GPIHBP1: variants seen among roughly 807,000 people sequenced by gnomAD.
The protein encoded by GPIHBP1 is glycosylphosphatidylinositol-anchored high density lipoprotein-binding protein 1.
Under a neutral mutation model 13.0 loss-of-function variants are expected in GPIHBP1, and 11 were observed. The observed-to-expected ratio is 0.84, with a 90% confidence interval of 0.53 to 1.40. The LOEUF is 1.40. Among genes scored for constraint, GPIHBP1 ranks in the 40% most tolerant of loss-of-function variants. The probability of loss-of-function intolerance (pLI) is 0.00; values close to 1 mark genes in which losing one functional copy is unlikely to be tolerated. For missense variants in GPIHBP1, 231 were observed against 241.1 expected, an observed-to-expected ratio of 0.96 and a Z score of 0.28; for synonymous variants, 106 against 102.2, an observed-to-expected ratio of 1.04 and a Z score of -0.22.
intron 3 of GPIHBP1, 60 bp downstream of exon 3, chr8:143,215,186 G>T: frequency 3.1e-6 from 5 of 1,610,866 alleles, no homozygotes; most frequent in Non-Finnish European, 4.2e-6. Context: ...CCAGGGGCCC[G>T]GAACAGAGCC....
rs1816306456 is a variant in GPIHBP1, at chr8:143,216,110, G to GGGGC, written c.*595_*596insCGGG. 6.2e-5 allele frequency: 9 copies of GGGGC among 145,208 alleles called. No homozygotes were observed. The highest frequency in any genetic ancestry group is 1.8e-4 in the African/African-American group (7 of 38,634). 9.0% of individuals were successfully genotyped at this position (145,208 alleles called of 1,614,324 possible). A position where few individuals can be genotyped will look rare whatever the true frequency, so the allele number is the denominator to read the frequency against. Reference sequence around the variant, plus strand: ...CCACATGCGGAGGGGCGGGGCGGGGGGGGGCTGGGGGGACAGGCACCAAGT... The same window carrying GGGGC: ...CCACATGCGGAGGGGCGGGGCGGGGGGGGCGGGGCTGGGGGGACAGGCACCAAGT... On this transcript the variant is annotated 3_prime_UTR_variant, in exon 4 of 4. Coordinates refer to ENST00000622500, the MANE Select transcript of GPIHBP1 (RefSeq NM_178172.6).
In GPIHBP1 at chr8:143,215,286, C is replaced by G. The variant is rs752728823; in HGVS notation, c.323C>G (p.Thr108Arg). 1 of 1,612,998 alleles carries G rather than the reference C, an allele frequency of 6.2e-7. No homozygotes were observed. The highest frequency in any genetic ancestry group is 2.2e-5 in the East Asian group (1 of 44,874). Reference protein sequence around the residue: ...TESGLLTTHSTWCTDSCQPIT... With the variant: ...TESGLLTTHSRWCTDSCQPIT... ...TCAGGCCTCCTGACCACCCACTCCA[C>G]GTGGTGCACAGACAGCTGCCAGCCC... The change falls in exon 4 of 4, where the codon ACG (threonine) becomes AGG (arginine). Residue 108 changes from threonine to arginine, a missense_variant. Physicochemically the swap from Thr to Arg is moderately conservative, Grantham distance 71 (BLOSUM62 -1). Coordinates refer to ENST00000622500, the MANE Select transcript of GPIHBP1 (RefSeq NM_178172.6).
rs767655645 is a variant in GPIHBP1 at position 143,215,501 on chromosome 8, G to A, written c.538G>A (p.Gly180Arg). ...LNLLAGLGAM[G>R]ARRP ...CCTCCTTGCCGGCCTTGGAGCAATG[G>A]GGGCCAGGAGACCCTGACCCACGGC... The change falls in exon 4 of 4, where the codon GGG (glycine) becomes AGG (arginine). Residue 180 changes from glycine (G) to arginine (R), a missense_variant. By Grantham distance (125) the Gly-to-Arg change is moderately radical. Transcript: ENST00000622500. The A allele has an allele frequency of 1.9e-6, 3 of 1,604,638 alleles. No individual in the cohort carries two copies.
rs1586695755 is a variant in GPIHBP1 at position 143,215,570 on chromosome 8, T to C, written c.*52T>C. On this transcript the variant is annotated 3_prime_UTR_variant, in exon 4 of 4. Transcript: ENST00000622500. Reference sequence around the variant, plus strand: ...GGCTCACCCCCGGCCCTGCCAGCACTCTGTCTGGTACCTTCCCCTCCTGCC... The same window carrying C: ...GGCTCACCCCCGGCCCTGCCAGCACCCTGTCTGGTACCTTCCCCTCCTGCC... The C allele has an allele frequency of 7.4e-7, 1 of 1,344,898 alleles. No homozygotes were observed. Among genetic ancestry groups the C allele is most frequent in the Non-Finnish European group, 9.9e-7 (1 of 1,013,294 alleles). The allele number at this position is 1,344,898 out of a possible 1,614,324, so 83.3% of individuals were successfully genotyped here.
rs987970176 is a variant in GPIHBP1 at position 143,214,944 on chromosome 8, G to C, written c.182-69G>C. 25 of 1,053,048 alleles carry C rather than the reference G, an allele frequency of 2.4e-5. No homozygotes were observed. The highest frequency in any genetic ancestry group is 4.0e-5 in the Admixed American group (2 of 49,968). The allele number at this position is 1,053,048 out of a possible 1,614,324, so 65.2% of individuals were successfully genotyped here. A position where few individuals can be genotyped will look rare whatever the true frequency, so the allele number is the denominator to read the frequency against. ...CTTTGGGAGCACAGCTGAGAACGGG[G>C]AGGTGGACAGGGACGTGGGAGGAGA... On this transcript the variant is annotated intron_variant, in intron 2 of 3. Coordinates refer to ENST00000622500, the MANE Select transcript of GPIHBP1 (RefSeq NM_178172.6). The surrounding 1 kb of genome is among the most constrained non-coding windows in gnomAD (Gnocchi z 4.1).
At position 143,215,256 on chromosome 8, in the gene GPIHBP1, C is replaced by T; in HGVS notation, c.296-3C>T. On this transcript the variant is annotated splice_polypyrimidine_tract_variant and splice_region_variant and intron_variant, in intron 3 of 3. Coordinates refer to ENST00000622500, the MANE Select transcript of GPIHBP1 (RefSeq NM_178172.6). ...AGCACTTGTTCCCCACTCCCCTTCC[C>T]AGAGTCAGGCCTCCTGACCACCCAC... The T allele has an allele frequency of 1.2e-6, 2 of 1,613,044 alleles. No homozygotes were observed. The highest frequency in any genetic ancestry group is 1.7e-6 in the Non-Finnish European group (2 of 1,179,990).
In GPIHBP1 at chr8:143,213,868, C is replaced by A. The variant is rs770156865; in HGVS notation, c.99C>A (p.His33Gln). The A allele has an allele frequency of 1.3e-6, 2 of 1,554,888 alleles. No homozygotes were observed. The highest frequency in any genetic ancestry group is 8.7e-7 in the Non-Finnish European group (1 of 1,148,934). Reference sequence around the variant, plus strand: ...AGGAAGAGGAAGAGGACGAGGACCACGGGCCAGATGACTACGACGAGGAAG... The same window carrying A: ...AGGAAGAGGAAGAGGACGAGGACCAAGGGCCAGATGACTACGACGAGGAAG... Reference protein sequence around the residue: ...QQEEEEEDEDHGPDDYDEEDE... With the variant: ...QQEEEEEDEDQGPDDYDEEDE... Residue 33 changes from histidine to glutamine, a missense_variant, in exon 2 of 4, where the codon CAC (histidine) becomes CAA (glutamine). By Grantham distance (24) the His-to-Gln change is conservative. Coordinates refer to ENST00000622500, the MANE Select transcript of GPIHBP1 (RefSeq NM_178172.6).
rs1391855981 is a variant in GPIHBP1, at chr8:143,216,929, T to C, written c.*1411T>C. 6.6e-6 allele frequency: 1 copy of C among 152,182 alleles called. No individual in the cohort carries two copies. Among genetic ancestry groups the C allele is most frequent in the Non-Finnish European group, 1.5e-5 (1 of 68,052 alleles). The allele number at this position is 152,182 out of a possible 1,614,324, so 9.4% of individuals were successfully genotyped here. ...CCTTATTAATAAAACACACAATGCC[T>C]AGCTGGGGGGTCGGAAGGCAAATGC... On this transcript the variant is annotated 3_prime_UTR_variant, in exon 4 of 4. Coordinates refer to ENST00000622500, the MANE Select transcript of GPIHBP1 (RefSeq NM_178172.6).
Position 143,215,145 on chromosome 8 carries a change from G to C in GPIHBP1, c.295+19G>C. 1 of 1,608,856 alleles carries C rather than the reference G, an allele frequency of 6.2e-7. No homozygotes were observed. Among genetic ancestry groups the C allele is most frequent in the Non-Finnish European group, 8.5e-7 (1 of 1,176,506 alleles). On this transcript the variant is annotated intron_variant, in intron 3 of 3. Coordinates refer to ENST00000622500, the MANE Select transcript of GPIHBP1 (RefSeq NM_178172.6). ...AACACCGGTAAGTGGGCGTGGGGCC[G>C]CAGCACATGCACCCCCAGGCGGCGG...
rs1413124991 is a variant in GPIHBP1 at position 143,214,031 on chromosome 8, A to G, written c.181+81A>G. On this transcript the variant is annotated intron_variant, in intron 2 of 3. Coordinates refer to ENST00000622500, the MANE Select transcript of GPIHBP1 (RefSeq NM_178172.6). The surrounding 1 kb of genome is among the most constrained non-coding windows in gnomAD (Gnocchi z 4.1). ...GCGGGGCTGTGTGATGGAAGCCAGC[A>G]GGCCACAGTCCTGCTGTGAGCTTGC... 1.8e-5 allele frequency: 28 copies of G among 1,530,768 alleles called. No individual in the cohort carries two copies. Among genetic ancestry groups the G allele is most frequent in the Non-Finnish European group, 8.8e-7 (1 of 1,133,536 alleles). 94.8% of individuals were successfully genotyped at this position (1,530,768 alleles called of 1,614,324 possible).
At position 143,215,144 on chromosome 8, in the gene GPIHBP1, C is replaced by T. The variant is rs371050017; in HGVS notation, c.295+18C>T. ...GAACACCGGTAAGTGGGCGTGGGGCCGCAGCACATGCACCCCCAGGCGGCG... is the reference window on the plus strand; with the variant it reads ...GAACACCGGTAAGTGGGCGTGGGGCTGCAGCACATGCACCCCCAGGCGGCG... On this transcript the variant is annotated intron_variant, in intron 3 of 3. Transcript: ENST00000622500. 3.4e-5 allele frequency: 54 copies of T among 1,607,212 alleles called. No individual in the cohort carries two copies. The highest frequency in any genetic ancestry group is 4.3e-5 in the Non-Finnish European group (50 of 1,175,076).
At chr8:143,213,633 A>C (rs1337157476) in intron 1 of GPIHBP1, among the ~76,000 whole-genome samples, 189 bp from the exon 2 acceptor site, 12 of 53,120 alleles carry the variant, frequency 2.3e-4, no homozygotes, top group Non-Finnish European at 6.8e-4. Flanking sequence ...TAGGACAGTG[A>C]GTAGGGTGAG....
Position 143,215,175 on chromosome 8 carries a change from G to C in GPIHBP1, c.295+49G>C, listed in dbSNP as rs1816284798. The stretch of plus-strand genomic sequence containing the variant: ...ACATGCACCCCCAGGCGGCGGGAAA[G>C]CCAGGGGCCCGGAACAGAGCCCTGC... On this transcript the variant is annotated intron_variant, in intron 3 of 3. Transcript: ENST00000622500. 3 of 1,610,682 alleles carry C rather than the reference G, an allele frequency of 1.9e-6. No homozygotes were observed. The African/African-American group carries it at 4.0e-5, about 22-fold the overall frequency.
chr8:143,215,590 C>A lies in GPIHBP1; in HGVS notation c.*72C>A. 3 of 1,253,766 alleles carry A rather than the reference C, an allele frequency of 2.4e-6. No individual in the cohort carries two copies. The highest frequency in any genetic ancestry group is 2.7e-4 in the Middle Eastern group (1 of 3,678). The allele number at this position is 1,253,766 out of a possible 1,614,324, so 77.7% of individuals were successfully genotyped here. On this transcript the variant is annotated 3_prime_UTR_variant, in exon 4 of 4. Coordinates refer to ENST00000622500, the MANE Select transcript of GPIHBP1 (RefSeq NM_178172.6). ...AGCACTCTGTCTGGTACCTTCCCCT[C>A]CTGCCCCTGCACCAGCTTTGGAGAA...
Position 143,213,808 on chromosome 8 carries a change from C to G in GPIHBP1, c.53-14C>G. 1 of 1,572,620 alleles carries G rather than the reference C, an allele frequency of 6.4e-7. No homozygotes were observed. The highest frequency in any genetic ancestry group is 8.6e-7 in the Non-Finnish European group (1 of 1,159,630). ...CCGGGTAGCTGAGGCTTACAAGCAT[C>G]CCTGCACGGCCAGGGAGAGGGCAGA... is the stretch of plus-strand genomic sequence containing the variant. On this transcript the variant is annotated splice_polypyrimidine_tract_variant and intron_variant, in intron 1 of 3. Coordinates refer to ENST00000622500, the MANE Select transcript of GPIHBP1 (RefSeq NM_178172.6).
chr8:143,213,920 A>T lies in GPIHBP1; in HGVS notation c.151A>T (p.Thr51Ser). 4.5e-6 allele frequency: 7 copies of T among 1,551,260 alleles called. No homozygotes were observed. Among genetic ancestry groups the T allele is most frequent in the Non-Finnish European group, 6.1e-6 (7 of 1,146,952 alleles). Residue 51 changes from threonine to serine, a missense_variant, in exon 2 of 4, where the codon ACC (threonine) becomes TCC (serine). Coordinates refer to ENST00000622500, the MANE Select transcript of GPIHBP1 (RefSeq NM_178172.6). Reference sequence around the variant, plus strand: ...TGAGGATGAGGTGGAAGAGGAGGAGACCAACAGGCTCCCTGGTGGCAGGAG... The same window carrying T: ...TGAGGATGAGGTGGAAGAGGAGGAGTCCAACAGGCTCCCTGGTGGCAGGAG... Reference protein sequence around the residue: ...EDEDEVEEEETNRLPGGRSRV... With the variant: ...EDEDEVEEEESNRLPGGRSRV...
Position 143,215,077 on chromosome 8 carries a change from C to T in GPIHBP1, c.246C>T (p.Asn82=), listed in dbSNP as rs1475299068. 1.2e-6 allele frequency: 2 copies of T among 1,611,732 alleles called. No individual in the cohort carries two copies. Residue 82 remains asparagine, a synonymous_variant, in exon 3 of 4, where the codon AAC becomes AAT. Coordinates refer to ENST00000622500, the MANE Select transcript of GPIHBP1 (RefSeq NM_178172.6). The stretch of plus-strand genomic sequence containing the variant: ...ACGAGCGCTGCAACCTGACGCAGAA[C>T]TGCTCACATGGCCAGACCTGCACAA... ...PRDERCNLTQ[N]CSHGQTCTTL...
At position 143,215,050 on chromosome 8, in the gene GPIHBP1, G is replaced by A. The variant is rs751963282; in HGVS notation, c.219G>A (p.Arg73=). Residue 73 remains arginine, a synonymous_variant, in exon 3 of 4, where the codon AGG becomes AGA. Coordinates refer to ENST00000622500, the MANE Select transcript of GPIHBP1 (RefSeq NM_178172.6). ...GCTACACCTGCAAGTCCCTGCCCAG[G>A]GACGAGCGCTGCAACCTGACGCAGA... The part of the protein sequence containing the change: ...LRCYTCKSLP[R]DERCNLTQNC... 2 of 1,602,858 alleles carry A rather than the reference G, an allele frequency of 1.2e-6. No homozygotes were observed. The highest frequency in any genetic ancestry group is 1.7e-6 in the Non-Finnish European group (2 of 1,175,628).
Position 143,213,865 on chromosome 8 carries a change from C to T in GPIHBP1, c.96C>T (p.Asp32=), listed in dbSNP as rs1586694383. ...TQQEEEEEDE[D]HGPDDYDEED... is the part of the protein sequence containing the mutation. ...AGGAGGAAGAGGAAGAGGACGAGGA[C>T]CACGGGCCAGATGACTACGACGAGG... is the stretch of plus-strand genomic sequence containing the variant. Residue 32 remains aspartate, a synonymous_variant, in exon 2 of 4, where the codon GAC becomes GAT. Transcript: ENST00000622500. The T allele has an allele frequency of 6.4e-7, 1 of 1,555,652 alleles. No homozygotes were observed. The highest frequency in any genetic ancestry group is 1.7e-4 in the Middle Eastern group (1 of 5,998).
Sources: allele counts gnomAD v4.1 joint callset (sites outside exome capture counted in the v4.1 genomes callset), GRCh38; gene constraint gnomAD v4.1.1; non-coding constraint Gnocchi (gnomAD v3.1); transcripts MANE v1.5; gene names NCBI Gene and HGNC (gene_info 2026-07-23, HGNC 2026-07-21).